The following LARGE1 variants were observed in gnomAD, a reference collection of about 807,000 sequenced individuals.
LARGE1 encodes xylosyl- and glucuronyltransferase LARGE1.
LARGE1 carries 43 observed loss-of-function variants against 87.6 expected under a neutral mutation model. The ratio of observed to expected loss-of-function variants is 0.49; its 90% CI spans 0.38 to 0.63. LARGE1 has a LOEUF of 0.63. Ranked by LOEUF, LARGE1 falls within the 30% of genes least tolerant of loss-of-function variation. The pLI is 0.00. For synonymous variants in LARGE1, 434 were observed against 394.6 expected, an observed-to-expected ratio of 1.10 and a Z score of -1.18; for missense variants, 802 against 1,000.2, an observed-to-expected ratio of 0.80 and a Z score of 2.67.
chr22:33,907,726 G>C (rs1043555915), intron 1 of LARGE1, among the ~76,000 whole-genome samples: 1 of 151,992 alleles, frequency 6.6e-6, no homozygotes, highest in African/African-American at 2.4e-5. Context: ...TCCTGAGTAG[G>C]TGGGACTACA....
intron 6 of LARGE1, among the ~76,000 whole-genome samples, chr22:33,493,706 C>T (rs1226438026): frequency 1.3e-5 from 2 of 152,152 alleles, no homozygotes; most frequent in Non-Finnish European, 1.5e-5. Context: ...AACCACTTTT[C>T]CAAGGTGACC....
intron 11 of LARGE1, among the ~76,000 whole-genome samples, chr22:33,202,105 TA>T (rs137449): frequency 1.9e-3 from 278 of 143,612 alleles, no homozygotes; most frequent in African/African-American, 2.2e-3. Context: ...CACGGCATGA[TA>T]AAAAAAAAAA....
intron 12 of LARGE1, among the ~76,000 whole-genome samples, chr22:33,293,025 T>C (rs1280255044): frequency 1.3e-5 from 2 of 152,222 alleles, no homozygotes; most frequent in African/African-American, 2.4e-5. Flanking sequence ...TGTCCATGCA[T>C]AGCTCACAGT....
chr22:33,534,344 C>G (rs1207881627), intron 6 of LARGE1, among the ~76,000 whole-genome samples: 1 of 151,818 alleles, frequency 6.6e-6, no homozygotes, highest in Non-Finnish European at 1.5e-5. Context: ...GCGGAGCTTG[C>G]AGTGAGCGGA....
At chr22:33,412,699 C>T (rs1012232367) in intron 7 of LARGE1, among the ~76,000 whole-genome samples, 4 of 152,134 alleles carry the variant, frequency 2.6e-5, no homozygotes, top group African/African-American at 9.7e-5. Context: ...CTTGCTGTGT[C>T]GCCCAGGCTG....
intron 1 of LARGE1, among the ~76,000 whole-genome samples, chr22:33,861,283 C>T (rs964992572): frequency 1.3e-5 from 2 of 152,092 alleles, no homozygotes; most frequent in Non-Finnish European, 2.9e-5. Context: ...CGAGTACAGC[C>T]ACCACCTGGG....
chr22:33,553,601 A>T (rs1311955133), intron 6 of LARGE1, among the ~76,000 whole-genome samples: 2 of 152,224 alleles, frequency 1.3e-5, no homozygotes, highest in Non-Finnish European at 2.9e-5. Flanking sequence ...TGTCAGGTAT[A>T]GCACTAAGAC....
chr22:33,408,328 T>C (rs1368197791), intron 7 of LARGE1, among the ~76,000 whole-genome samples: 1 of 152,084 alleles, frequency 6.6e-6, no homozygotes, highest in African/African-American at 2.4e-5. Context: ...GAGTACATAA[T>C]TGTTTTGAGT....
rs182030509 is a variant in LARGE1, at chr22:33,858,142, G to C, written c.-83+61853C>G. ...CGTGACTAGTGTTCAACTCGATTAG[G>C]ATGAACCCAGGCACGTAGCTGTGCA... On this transcript the variant is annotated intron_variant, in intron 1 of 14. Coordinates refer to ENST00000397394, the MANE Select transcript of LARGE1 (RefSeq NM_133642.5). Among the ~76,000 whole-genome samples the C allele has an allele frequency of 9.2e-5, 14 of 152,304 alleles. No individual in the cohort carries two copies. The East Asian group carries it at 1.5e-3, about 17-fold the overall frequency.
intron 1 of LARGE1, among the ~76,000 whole-genome samples, chr22:33,837,943 A>C (rs960832853): frequency 2.6e-5 from 4 of 152,246 alleles, no homozygotes; most frequent in African/African-American, 4.8e-5. Flanking sequence ...AAGGTGAGAT[A>C]GTAAATCACG....
At chr22:33,627,127 G>A (rs1409280665) in intron 3 of LARGE1, among the ~76,000 whole-genome samples, 1 of 152,244 alleles carries the variant, frequency 6.6e-6, no homozygotes, top group African/African-American at 2.4e-5. Flanking sequence ...ACCTTAGTGT[G>A]CCACGATTGA....
intron 6 of LARGE1, chr22:33,563,200 G>T (rs1056552147): frequency 6.6e-6 from 1 of 152,216 alleles, no homozygotes; most frequent in Non-Finnish European, 1.5e-5. Flanking sequence ...ACCAGCTGGC[G>T]TAATAAGGCC....
chr22:33,886,826 C>T (rs1485207658), intron 1 of LARGE1, among the ~76,000 whole-genome samples: 1 of 152,090 alleles, frequency 6.6e-6, no homozygotes, highest in African/African-American at 2.4e-5. Flanking sequence ...CTCACCACTG[C>T]AGGATACAGT....
At chr22:33,241,856 G>A (rs1926539648) in intron 11 of LARGE1, among the ~76,000 whole-genome samples, 2 of 152,112 alleles carry the variant, frequency 1.3e-5, no homozygotes, top group South Asian at 4.2e-4. Flanking sequence ...TGGGGGACGG[G>A]AGAGGATGGG....
At chr22:33,513,571 C>T (rs1194737175) in intron 6 of LARGE1, among the ~76,000 whole-genome samples, 2 of 152,066 alleles carry the variant, frequency 1.3e-5, no homozygotes, top group African/African-American at 2.4e-5. Flanking sequence ...CAGGAGGCAG[C>T]GAGATGCAAC....
At chr22:33,917,865 CCA>C (rs1401643111) in intron 1 of LARGE1, among the ~76,000 whole-genome samples, 3 of 152,090 alleles carry the variant, frequency 2.0e-5, no homozygotes, top group Non-Finnish European at 2.9e-5. Flanking sequence ...TCAAGATAAA[CCA>C]CAGTCTCACG....
intron 1 of LARGE1, among the ~76,000 whole-genome samples, chr22:33,874,528 T>C (rs1325571252): frequency 1.3e-5 from 2 of 152,250 alleles, no homozygotes; most frequent in African/African-American, 4.8e-5. Context: ...GATTATAAAA[T>C]AGAGTATTTG....
chr22:33,448,054 C>T (rs967441708), intron 6 of LARGE1, among the ~76,000 whole-genome samples: 7 of 150,760 alleles, frequency 4.6e-5, no homozygotes, highest in Non-Finnish European at 1.0e-4. Context: ...GCCAAATTCA[C>T]GGAGACAGAG....
chr22:33,413,447 G>A (rs370423056), intron 7 of LARGE1, among the ~76,000 whole-genome samples: 4 of 151,756 alleles, frequency 2.6e-5, no homozygotes, highest in East Asian at 3.9e-4. Context: ...TCATTACTGG[G>A]GGCTTTTTAT....
Sources: allele counts gnomAD v4.1 joint callset (sites outside exome capture counted in the v4.1 genomes callset), GRCh38; gene constraint gnomAD v4.1.1; transcripts MANE v1.5; gene names NCBI Gene and HGNC (gene_info 2026-07-23, HGNC 2026-07-21).